Variants in PTGER3 observed in about 807,000 individuals in gnomAD.
PTGER3 encodes the protein prostaglandin E receptor 3.
In PTGER3, 22 loss-of-function variants were observed where a neutral mutation model predicts 34.7. The ratio of observed to expected loss-of-function variants is 0.63; its 90% CI spans 0.45 to 0.91. The LOEUF is 0.91. PTGER3 is among the 40% of genes least tolerant of loss of function. The pLI is 0.00. For synonymous variants in PTGER3, 241 were observed against 230.1 expected, an observed-to-expected ratio of 1.05 and a Z score of -0.43; for missense variants, 468 against 519.4, an observed-to-expected ratio of 0.90 and a Z score of 0.96.
intron 4 of PTGER3, among the ~76,000 whole-genome samples, chr1:70,932,501 G>A (rs1380061310): frequency 6.6e-6 from 1 of 152,120 alleles, no homozygotes; most frequent in East Asian, 1.9e-4. Flanking sequence ...GATTTACAGT[G>A]CTACATGGCT....
intron 4 of PTGER3, among the ~76,000 whole-genome samples, chr1:70,888,886 C>T (rs538460802): frequency 2.6e-5 from 4 of 152,178 alleles, no homozygotes; most frequent in Admixed American, 1.3e-4. Flanking sequence ...TGCCTGGCAC[C>T]CTCGTGGTAT....
intron 1 of PTGER3, among the ~76,000 whole-genome samples, chr1:71,043,654 C>G (rs559596203): frequency 2.6e-4 from 39 of 152,292 alleles, no homozygotes; most frequent in African/African-American, 9.1e-4. Context: ...CAGCGTTAAT[C>G]TCTCATTTTA....
downstream of PTGER3, chr1:70,951,013 C>T (rs1650711527): frequency 6.6e-6 from 1 of 152,112 alleles, no homozygotes; most frequent in Non-Finnish European, 1.5e-5. Flanking sequence ...CTGTGCCAGG[C>T]CCATTTCATG....
intron 2 of PTGER3, among the ~76,000 whole-genome samples, chr1:70,962,729 A>G (rs1227386818): frequency 6.6e-6 from 1 of 152,148 alleles, no homozygotes; most frequent in Non-Finnish European, 1.5e-5. Flanking sequence ...CTCCCACAAC[A>G]TGTGGGAATT....
intron 4 of PTGER3, among the ~76,000 whole-genome samples, chr1:70,880,875 A>G (rs1170079299): frequency 1.3e-5 from 2 of 151,708 alleles, no homozygotes; most frequent in East Asian, 1.9e-4. Flanking sequence ...TCTGACGACT[A>G]TGTGTCTTGG....
Position 70,903,235 on chromosome 1 carries a change from G to A in PTGER3, c.*24-50376C>T, listed in dbSNP as rs527541629. ...CTCTTCTAGAGCCTTCAGAAGGGAT[G>A]TGACCCCCACTGTCACCTTAATTTT... On this transcript the variant is annotated intron_variant, in intron 4 of 4. Coordinates refer to the PTGER3 transcript ENST00000370931. Among the ~76,000 whole-genome samples the A allele has an allele frequency of 5.9e-5, 9 of 152,296 alleles. No individual in the cohort carries two copies. The East Asian group carries it at 1.7e-3, about 29-fold the overall frequency.
At chr1:70,932,684 A>G (rs1648825633) in intron 4 of PTGER3, among the ~76,000 whole-genome samples, 1 of 152,208 alleles carries the variant, frequency 6.6e-6, no homozygotes, top group South Asian at 2.1e-4. Flanking sequence ...GATTTATATT[A>G]TCTCCCACCT....
chr1:71,044,306 G>A (rs552992627), intron 1 of PTGER3, among the ~76,000 whole-genome samples: 20 of 151,148 alleles, frequency 1.3e-4, no homozygotes, highest in Admixed American at 1.2e-3. Flanking sequence ...GTGTGGTGGC[G>A]GGCGCCTGTA....
intron 2 of PTGER3, chr1:71,010,852 AC>A (rs1382951908): frequency 5.1e-6 from 5 of 984,560 alleles, no homozygotes; most frequent in Non-Finnish European, 4.8e-6. Context: ...AATCTGATAG[AC>A]ATATTGTACC....
At chr1:70,909,077 A>C (rs756581809) in intron 4 of PTGER3, among the ~76,000 whole-genome samples, 4 of 152,216 alleles carry the variant, frequency 2.6e-5, no homozygotes, top group Non-Finnish European at 5.9e-5. Flanking sequence ...TACAGCTGGA[A>C]ACAATCCAAA....
intron 4 of PTGER3, among the ~76,000 whole-genome samples, chr1:70,914,806 G>A (rs555539429): frequency 6.6e-6 from 1 of 152,048 alleles, no homozygotes; most frequent in East Asian, 1.9e-4. Flanking sequence ...AAGAAAATGA[G>A]AGAGGTGGCT....
At chr1:70,946,981 G>A (rs1002790379) in intron 4 of PTGER3, among the ~76,000 whole-genome samples, 4 of 152,008 alleles carry the variant, frequency 2.6e-5, no homozygotes, top group African/African-American at 9.7e-5. Flanking sequence ...GGGATAGCAC[G>A]GTACATTAGA....
chr1:70,879,428 G>C (rs1449096163), intron 4 of PTGER3, among the ~76,000 whole-genome samples: 2 of 152,120 alleles, frequency 1.3e-5, no homozygotes, highest in South Asian at 4.2e-4. Flanking sequence ...TGTATTTTTA[G>C]TAGAGATGGA....
chr1:71,027,206 G>A (rs891789076), intron 1 of PTGER3, among the ~76,000 whole-genome samples: 3 of 151,970 alleles, frequency 2.0e-5, no homozygotes, highest in South Asian at 2.1e-4. Context: ...CTCTGTCACC[G>A]AGGCTGGAGT....
intron 2 of PTGER3, among the ~76,000 whole-genome samples, chr1:70,985,857 G>A (rs1308322970): frequency 6.6e-6 from 1 of 152,172 alleles, no homozygotes; most frequent in Non-Finnish European, 1.5e-5. Flanking sequence ...GTGGCAGTCT[G>A]TCACAGCTAT....
intron 2 of PTGER3, chr1:71,007,144 G>A (rs772352804): frequency 2.2e-5 from 22 of 985,570 alleles, no homozygotes; most frequent in Non-Finnish European, 2.4e-5. Flanking sequence ...GAGGAGGAGA[G>A]GTGAAGAACA....
chr1:70,907,752 C>T (rs1646980039), intron 4 of PTGER3, among the ~76,000 whole-genome samples: 1 of 152,206 alleles, frequency 6.6e-6, no homozygotes, highest in Non-Finnish European at 1.5e-5. Flanking sequence ...CAGTTCACAC[C>T]TGAGACCTCA....
chr1:70,906,170 T>TA (rs748934802), intron 4 of PTGER3, among the ~76,000 whole-genome samples: 6 of 152,330 alleles, frequency 3.9e-5, no homozygotes, highest in East Asian at 1.9e-4. Flanking sequence ...TGAGTTCCAT[T>TA]AAGCCTCTTT....
chr1:70,952,627 A>G (rs1196645275), exon 4 of PTGER3: 1 of 1,054,204 alleles, frequency 9.5e-7, no homozygotes, highest in Non-Finnish European at 1.1e-6. Flanking sequence ...ATATGAAAAA[A>G]TTTCTGTTGA....
Sources: allele counts gnomAD v4.1 joint callset (sites outside exome capture counted in the v4.1 genomes callset), GRCh38; gene constraint gnomAD v4.1.1; transcripts MANE v1.5; gene names NCBI Gene and HGNC (gene_info 2026-07-23, HGNC 2026-07-21).